C6orf89: variants seen among roughly 807,000 people sequenced by gnomAD.
C6orf89 encodes bombesin receptor-activated protein C6orf89.
Under a neutral mutation model 40.7 loss-of-function variants are expected in C6orf89, and 29 were observed. The observed-to-expected ratio is 0.71, with a 90% CI of 0.53 to 0.97. C6orf89 has a LOEUF of 0.97. Ranked by LOEUF, C6orf89 falls within the 50% of genes least tolerant of loss-of-function variation. The pLI is 0.00. For synonymous variants in C6orf89, 165 were observed against 152.2 expected, an observed-to-expected ratio of 1.08 and a Z score of -0.62; for missense variants, 392 against 429.1, an observed-to-expected ratio of 0.91 and a Z score of 0.76.
intron 1 of C6orf89, among the ~76,000 whole-genome samples, chr6:36,894,113 T>G (rs1761333947): frequency 6.6e-6 from 1 of 152,166 alleles, no homozygotes; most frequent in African/African-American, 2.4e-5. Flanking sequence ...TAATGATGAT[T>G]AATCCTGTTT....
intron 1 of C6orf89, chr6:36,874,595 C>A: frequency 7.5e-7 from 1 of 1,340,182 alleles, no homozygotes; most frequent in Non-Finnish European, 1.0e-6. Context: ...GTCTCGGCCG[C>A]TGCTCCACGC....
chr6:36,906,063 T>C lies in C6orf89; in HGVS notation c.403+3629T>C, dbSNP rs551372683. 1.4e-4 allele frequency among the ~76,000 whole-genome samples: 22 copies of C among 152,336 alleles called. No homozygotes were observed. In the South Asian group the frequency reaches 4.6e-3, roughly 32 times the overall value. ...TTAAAAATAACATATTCATTTCTACTGAGGAAGCCTGGGATAGTTCTCACA... is the reference window on the plus strand; with the variant it reads ...TTAAAAATAACATATTCATTTCTACCGAGGAAGCCTGGGATAGTTCTCACA... On this transcript the variant is annotated intron_variant, in intron 4 of 8. Transcript: ENST00000480824.
intron 4 of C6orf89, among the ~76,000 whole-genome samples, chr6:36,913,554 AC>A (rs1762199668): frequency 3.3e-5 from 5 of 152,050 alleles, no homozygotes; most frequent in Admixed American, 1.3e-4. Flanking sequence ...AATAGGGGTC[AC>A]CCTTCTATCC....
intron 4 of C6orf89, among the ~76,000 whole-genome samples, chr6:36,910,829 G>A (rs965815851): frequency 2.0e-5 from 3 of 151,900 alleles, no homozygotes; most frequent in African/African-American, 7.3e-5. Context: ...ACCCATAAAT[G>A]TTTTATCTTG....
At chr6:36,887,613 G>T (rs571280774) in intron 1 of C6orf89, among the ~76,000 whole-genome samples, 2 of 152,342 alleles carry the variant, frequency 1.3e-5, no homozygotes, top group Admixed American at 6.5e-5. Context: ...AAAGCAAAAA[G>T]ATGTGAAATA....
intron 2 of C6orf89, among the ~76,000 whole-genome samples, 185 bp downstream of exon 2, chr6:36,894,788 T>C (rs1761360347): frequency 6.6e-6 from 1 of 152,130 alleles, no homozygotes; most frequent in African/African-American, 2.4e-5. Flanking sequence ...ACCTGGCATA[T>C]AGGGTGGGAA....
At chr6:36,901,906 C>CA (rs56198215) in intron 3 of C6orf89, among the ~76,000 whole-genome samples, 23 of 151,944 alleles carry the variant, frequency 1.5e-4, no homozygotes, top group Non-Finnish European at 2.8e-4. Context: ...CTCCTGACCT[C>CA]ATGATCTGCC....
intron 8 of C6orf89, among the ~76,000 whole-genome samples, chr6:36,921,369 G>A (rs1343353819): frequency 6.6e-6 from 1 of 152,190 alleles, no homozygotes; most frequent in Non-Finnish European, 1.5e-5. Context: ...ACAGATGGCG[G>A]TTCCTCTACC....
At chr6:36,907,310 G>GT (rs527688461) in intron 4 of C6orf89, among the ~76,000 whole-genome samples, 1 of 145,776 alleles carries the variant, frequency 6.9e-6, no homozygotes, top group African/African-American at 2.5e-5. Flanking sequence ...GTTTTGTTTT[G>GT]TTTTTGCCAG....
At chr6:36,920,154 A>G (rs1762464499) in intron 8 of C6orf89, among the ~76,000 whole-genome samples, 1 of 152,196 alleles carries the variant, frequency 6.6e-6, no homozygotes, top group Non-Finnish European at 1.5e-5. Context: ...TGCAAATAAA[A>G]CAATACCAAG....
At chr6:36,908,737 C>T (rs1389900664) in intron 4 of C6orf89, among the ~76,000 whole-genome samples, 1 of 152,198 alleles carries the variant, frequency 6.6e-6, no homozygotes, top group East Asian at 1.9e-4. Flanking sequence ...CAGTACCTCA[C>T]AGTTGTGGAG....
intron 4 of C6orf89, among the ~76,000 whole-genome samples, chr6:36,908,896 T>G (rs1762020936): frequency 1.3e-5 from 2 of 152,224 alleles, no homozygotes. Context: ...GCCTCTGCCT[T>G]TATCTTCACG....
chr6:36,887,249 A>AT (rs1023025763), intron 1 of C6orf89, among the ~76,000 whole-genome samples: 7 of 152,018 alleles, frequency 4.6e-5, no homozygotes, highest in African/African-American at 1.4e-4. Flanking sequence ...CGACCTCTGC[A>AT]TTTTTAAAAA....
intron 4 of C6orf89, among the ~76,000 whole-genome samples, chr6:36,903,807 G>T (rs1432091869): frequency 6.6e-6 from 1 of 152,034 alleles, no homozygotes; most frequent in Non-Finnish European, 1.5e-5. Flanking sequence ...CAAAATCAGA[G>T]GAAGGGAACA....
At chr6:36,902,573 T>C in intron 4 of C6orf89, 139 bp downstream of exon 4, 4 of 730,722 alleles carry the variant, frequency 5.5e-6, no homozygotes, top group Non-Finnish European at 8.8e-6. Context: ...ACTAAAACTC[T>C]ATGAGATGGG....
chr6:36,893,658 G>A (rs760629863), intron 1 of C6orf89, among the ~76,000 whole-genome samples: 2 of 152,164 alleles, frequency 1.3e-5, no homozygotes, highest in African/African-American at 2.4e-5. Context: ...CAGGCCAGGC[G>A]CGGTGGTTCA....
At chr6:36,921,834 T>C (rs1214264527) in intron 8 of C6orf89, among the ~76,000 whole-genome samples, 2 of 151,514 alleles carry the variant, frequency 1.3e-5, no homozygotes, top group East Asian at 3.9e-4. Flanking sequence ...TCAAGACCAG[T>C]CTGGGCAAGA....
chr6:36,885,962 C>A lies in C6orf89; in HGVS notation c.-186C>A. The A allele has an allele frequency of 7.9e-7, 1 of 1,268,062 alleles. No homozygotes were observed. Among genetic ancestry groups the A allele is most frequent in the South Asian group, 2.6e-5 (1 of 38,046 alleles). The allele number at this position is 1,268,062 out of a possible 1,614,324, so 78.6% of individuals were successfully genotyped here. A position where few individuals can be genotyped will look rare whatever the true frequency, so the allele number is the denominator to read the frequency against. On this transcript the variant is annotated 5_prime_UTR_variant, in exon 1 of 9. Transcript: ENST00000480824. ...CGCGCTCCCGGAAACAGGAAGTTGC[C>A]CATCCTCCTCGCCCGGCGGCAGCTG...
chr6:36,916,045 C>T (rs1016731061), intron 6 of C6orf89, among the ~76,000 whole-genome samples: 3 of 152,196 alleles, frequency 2.0e-5, no homozygotes, highest in Non-Finnish European at 4.4e-5. Flanking sequence ...CTTCCCCCTG[C>T]GTCTCCCTGT....
Sources: gnomAD v4.1 joint callset for allele counts (sites outside exome capture counted in the v4.1 genomes callset) on GRCh38, gnomAD v4.1.1 for gene constraint, MANE v1.5 for transcripts, NCBI Gene and HGNC (gene_info 2026-07-23, HGNC 2026-07-21) for gene names.